MAGEC3: variants seen among roughly 807,000 people sequenced by gnomAD.
MAGEC3 encodes MAGE family member C3, also known as melanoma-associated antigen C3.
A neutral mutation model predicts 35.3 loss-of-function variants in MAGEC3; 34 were observed. That is an observed-to-expected ratio of 0.96 (90% CI 0.73 to 1.28). The LOEUF is 1.28. Among genes scored for constraint, MAGEC3 ranks in the 50% most tolerant of loss-of-function variants. The pLI is 0.00. For synonymous variants in MAGEC3, 202 were observed against 185.6 expected (o/e 1.09, Z -0.72); for missense variants, 561 against 483.6 (o/e 1.16, Z -1.50).
chrX:141,895,152 G>A, intron 4 of MAGEC3, 117 bp from the exon 5 acceptor site: 9 of 860,535 alleles, frequency 1.0e-5, no homozygotes, highest in Non-Finnish European at 1.7e-6. Flanking sequence ...GCGCTGAGGA[G>A]GGCAGGAAGA....
intron 2 of MAGEC3, among the ~76,000 whole-genome samples, chrX:141,871,140 A>G (rs1250612844): frequency 8.9e-6 from 1 of 111,889 alleles, no homozygotes. Context: ...ACACATATAT[A>G]ACCACACGGG....
intron 2 of MAGEC3, among the ~76,000 whole-genome samples, chrX:141,866,477 A>C (rs1447958294): frequency 1.8e-5 from 2 of 112,342 alleles, no homozygotes; most frequent in African/African-American, 6.5e-5. Flanking sequence ...TGACAATGTG[A>C]AAAAACAAAA....
At chrX:141,865,295 C>G (rs1459780177) in intron 1 of MAGEC3, among the ~76,000 whole-genome samples, 176 bp from the exon 2 acceptor site, 1 of 110,772 alleles carries the variant, frequency 9.0e-6, no homozygotes, top group East Asian at 2.8e-4. Context: ...AATTCCAAGT[C>G]ATAAGATTTA....
chrX:141,855,406 T>G (rs1174817199), intron 1 of MAGEC3, among the ~76,000 whole-genome samples: 1 of 111,347 alleles, frequency 9.0e-6, no homozygotes, highest in Non-Finnish European at 1.9e-5. Flanking sequence ...CCTTGTTAAT[T>G]TTTCCCAAAA....
At chrX:141,860,331 A>G (rs1789536925) in intron 1 of MAGEC3, among the ~76,000 whole-genome samples, 1 of 111,996 alleles carries the variant, frequency 8.9e-6, no homozygotes, top group African/African-American at 3.2e-5. Flanking sequence ...GAATAAATGG[A>G]AAGACAGCTT....
intron 4 of MAGEC3, among the ~76,000 whole-genome samples, chrX:141,888,949 G>A (rs1441876797): frequency 8.9e-6 from 1 of 112,310 alleles, no homozygotes; most frequent in Non-Finnish European, 1.9e-5. Flanking sequence ...ATATGGGTTC[G>A]CCTGTCCTGC....
intron 1 of MAGEC3, among the ~76,000 whole-genome samples, chrX:141,856,370 T>C (rs979989445): frequency 9.0e-6 from 1 of 111,214 alleles, no homozygotes; most frequent in Non-Finnish European, 1.9e-5. Context: ...AGGGGAAAAT[T>C]TGCCATATTT....
rs1224212335 is a variant in MAGEC3 at position 141,871,268 on chromosome X, A to G, written c.258+5663A>G. 8.0e-5 allele frequency among the ~76,000 whole-genome samples: 9 copies of G among 111,911 alleles called. No individual in the cohort carries two copies. The East Asian group carries it at 2.5e-3, about 31-fold the overall frequency. On this transcript the variant is annotated intron_variant, in intron 2 of 7. Coordinates refer to ENST00000298296, the MANE Select transcript of MAGEC3 (RefSeq NM_138702.1). ...GCTAGGAATACAGTTTCCAGGGCCT[A>G]ATAAACAAGCATAGATTGAAGACAA...
chrX:141,853,421 A>G (rs1242638618), intron 1 of MAGEC3, among the ~76,000 whole-genome samples: 7 of 111,675 alleles, frequency 6.3e-5, no homozygotes. Context: ...TTGTTAAAAG[A>G]TTTAATTTGA....
chrX:141,848,499 G>A (rs938777594), intron 1 of MAGEC3, among the ~76,000 whole-genome samples: 3 of 110,848 alleles, frequency 2.7e-5, no homozygotes, highest in African/African-American at 9.8e-5. Context: ...CAGGCTGAGA[G>A]TCAAACGAAG....
chrX:141,875,015 G>A (rs914718708), intron 2 of MAGEC3, among the ~76,000 whole-genome samples: 12 of 111,500 alleles, frequency 1.1e-4, no homozygotes, highest in Non-Finnish European at 1.7e-4. Context: ...TATAGTGAAC[G>A]CTGATCTATA....
chrX:141,879,420 G>A lies in MAGEC3; in HGVS notation c.504G>A (p.Glu168=). 1 of 1,177,842 alleles carries A rather than the reference G, an allele frequency of 8.5e-7. No individual in the cohort carries two copies. Residue 168 remains glutamate, a synonymous_variant, in exon 3 of 8, where the codon GAG becomes GAA. Coordinates refer to ENST00000298296, the MANE Select transcript of MAGEC3 (RefSeq NM_138702.1). ...GCCCTGGAAAAAGGTTGTGGGGGGA[G>A]AAAGCGGGGAGGTGGGCAGGGAAAT... ...AVSPGKRLWG[E]KAGSLPESEP...
At chrX:141,883,090 G>A (rs1358448320) in intron 4 of MAGEC3, among the ~76,000 whole-genome samples, 1 of 111,981 alleles carries the variant, frequency 8.9e-6, no homozygotes, top group Non-Finnish European at 1.9e-5. Context: ...AGTAATGGAA[G>A]CTGTCTTGCA....
chrX:141,872,449 C>T (rs148704785), intron 2 of MAGEC3, among the ~76,000 whole-genome samples: 81 of 111,068 alleles, frequency 7.3e-4, no homozygotes, highest in African/African-American at 2.4e-3. Flanking sequence ...GACCCAGAAT[C>T]CTCTTTCTGA....
intron 4 of MAGEC3, among the ~76,000 whole-genome samples, chrX:141,886,839 G>A (rs1226450115): frequency 1.8e-5 from 2 of 111,626 alleles, no homozygotes; most frequent in African/African-American, 6.5e-5. Flanking sequence ...TATTAGAGCT[G>A]CCTCTACCTA....
At chrX:141,890,949 G>A (rs945656701) in intron 4 of MAGEC3, among the ~76,000 whole-genome samples, 2 of 111,851 alleles carry the variant, frequency 1.8e-5, no homozygotes, top group Non-Finnish European at 1.9e-5. Context: ...GCCATGATCC[G>A]CTATGGATTA....
At position 141,879,452 on chromosome X, in the gene MAGEC3, G is replaced by A. The variant is rs1006032471; in HGVS notation, c.515+21G>A. ...GGGAGGTGGGCAGGGAAATATGGAC[G>A]AGGGCTTTGAAGTGAGGAGGAAAAG... On this transcript the variant is annotated intron_variant, in intron 3 of 7. Transcript: ENST00000298296. The A allele has an allele frequency of 9.5e-6, 11 of 1,155,716 alleles. No homozygotes were observed. The Middle Eastern group carries it at 7.2e-4, about 76-fold the overall frequency.
At chrX:141,889,832 G>T (rs2018028347) in intron 4 of MAGEC3, among the ~76,000 whole-genome samples, 1 of 112,576 alleles carries the variant, frequency 8.9e-6, no homozygotes, top group Admixed American at 9.3e-5. Flanking sequence ...AGAATGGGTA[G>T]TAGAAGAAGG....
At chrX:141,876,103 G>A (rs1009998481) in intron 2 of MAGEC3, among the ~76,000 whole-genome samples, 3 of 112,236 alleles carry the variant, frequency 2.7e-5, no homozygotes, top group African/African-American at 9.7e-5. Flanking sequence ...AAGGAAGTAT[G>A]TGAATCTCCT....
Sources: gnomAD v4.1 joint callset for allele counts (sites outside exome capture counted in the v4.1 genomes callset) on GRCh38, gnomAD v4.1.1 for gene constraint, MANE v1.5 for transcripts, NCBI Gene and HGNC (gene_info 2026-07-23, HGNC 2026-07-21) for gene names.